The following SNAP47 variants were observed in gnomAD, a reference collection of about 807,000 sequenced individuals.
SNAP47 encodes the protein synaptosomal-associated protein 47.
SNAP47 carries 20 observed loss-of-function variants against 31.4 expected under a neutral mutation model. The observed-to-expected ratio is 0.64, with a 90% CI of 0.45 to 0.93. The LOEUF (loss-of-function observed/expected upper bound fraction) is 0.93, where lower values mean the gene tolerates loss of function less well. SNAP47 is among the 40% of genes least tolerant of loss of function. The pLI is 0.00. For missense variants in SNAP47, 492 were observed against 528.5 expected, an observed-to-expected ratio of 0.93 and a Z score of 0.68; for synonymous variants, 194 against 213.4, an observed-to-expected ratio of 0.91 and a Z score of 0.79.
intron 2 of SNAP47, among the ~76,000 whole-genome samples, chr1:227,749,821 G>T (rs1385379373): frequency 7.7e-6 from 1 of 130,304 alleles, no homozygotes; most frequent in African/African-American, 2.9e-5. Context: ...GTGTGTATTT[G>T]TGTGTGTCAT....
intron 1 of SNAP47, among the ~76,000 whole-genome samples, chr1:227,740,237 A>G (rs1661503431): frequency 6.6e-6 from 1 of 152,240 alleles, no homozygotes; most frequent in African/African-American, 2.4e-5. Flanking sequence ...TGCTGGGAGC[A>G]GAGGGCAGGG....
chr1:227,759,254 G>A lies in SNAP47; in HGVS notation c.757G>A (p.Glu253Lys). Residue 253 changes from glutamate to lysine, a missense_variant, in exon 3 of 5, where the codon GAA becomes AAA. Coordinates refer to ENST00000617596, the MANE Select transcript of SNAP47 (RefSeq NM_053052.4). Reference protein sequence around the residue: ...SSLLMHRFEREDVDDIKVHSP... With the variant: ...SSLLMHRFERKDVDDIKVHSP... ...TTTGCTCATGCACAGGTTTGAAAGA[G>A]AAGACGTGGACGACATCAAGGTCCA... The A allele has an allele frequency of 6.2e-7, 1 of 1,614,218 alleles. No individual in the cohort carries two copies. The highest frequency in any genetic ancestry group is 1.6e-4 in the Middle Eastern group (1 of 6,062).
intron 1 of SNAP47, among the ~76,000 whole-genome samples, chr1:227,739,967 G>C (rs1661483386): frequency 6.6e-6 from 1 of 152,250 alleles, no homozygotes; most frequent in African/African-American, 2.4e-5. Flanking sequence ...TGGTACAGGA[G>C]GGCATAGGCA....
At chr1:227,747,350 G>T (rs575233860) in intron 1 of SNAP47, among the ~76,000 whole-genome samples, 7 of 152,158 alleles carry the variant, frequency 4.6e-5, no homozygotes, top group African/African-American at 1.4e-4. Flanking sequence ...CTCAAGTCTC[G>T]TCCAGCAGTG....
At chr1:227,732,652 T>C (rs75149861), upstream of SNAP47, 19 of 1,613,244 alleles carry the variant, frequency 1.2e-5, no homozygotes, top group East Asian at 4.2e-4. Flanking sequence ...TCAAAGTTGA[T>C]GCCCGAGCAG....
intron 4 of SNAP47, among the ~76,000 whole-genome samples, chr1:227,769,890 C>T (rs10916205): frequency 0.4 from 60,904 of 152,104 alleles, 12,264 homozygotes; most frequent in Admixed American, 0.43. Context: ...GCTCATGCAG[C>T]CTCATCTGTC....
rs2102952371 is a variant in SNAP47 at position 227,759,188 on chromosome 1, A to C, written c.691A>C (p.Thr231Pro). 1 of 1,614,208 alleles carries C rather than the reference A, an allele frequency of 6.2e-7. No individual in the cohort carries two copies. Among genetic ancestry groups the C allele is most frequent in the East Asian group, 2.2e-5 (1 of 44,890 alleles). ...GTCTCACGTTAAACCAGGGAGGCTC[A>C]CCGTCCTTGTGTCTGGGTTGGAAAT... Reference protein sequence around the residue: ...TESHVKPGRLTVLVSGLEIHD... With the variant: ...TESHVKPGRLPVLVSGLEIHD... The change falls in exon 3 of 5, where the codon ACC becomes CCC. Residue 231 changes from threonine (T) to proline (P), a missense_variant. By Grantham distance (38) the Thr-to-Pro change is conservative. Coordinates refer to ENST00000617596, the MANE Select transcript of SNAP47 (RefSeq NM_053052.4).
At chr1:227,748,506 G>A (rs953226075) in intron 2 of SNAP47, among the ~76,000 whole-genome samples, 2 of 152,244 alleles carry the variant, frequency 1.3e-5, no homozygotes, top group African/African-American at 4.8e-5. Flanking sequence ...CACCACTGCC[G>A]TCCACTGCAC....
chr1:227,735,392 G>A, upstream of SNAP47: 1 of 1,582,780 alleles, frequency 6.3e-7, no homozygotes, highest in Non-Finnish European at 8.5e-7. Context: ...CAGCGCCTGG[G>A]GCTCCGGGCC....
intron 1 of SNAP47, chr1:227,745,903 G>A (rs1304126685): frequency 6.6e-6 from 1 of 152,266 alleles, no homozygotes; most frequent in African/African-American, 2.4e-5. Flanking sequence ...CTGGGCCAAA[G>A]CTGCCACGGA....
intron 1 of SNAP47, among the ~76,000 whole-genome samples, chr1:227,742,958 C>T (rs1026786025): frequency 4.6e-5 from 7 of 152,286 alleles, no homozygotes; most frequent in East Asian, 3.9e-4. Context: ...TGCCGACCCT[C>T]GCCATGGCCC....
Position 227,759,445 on chromosome 1 carries a change from C to T in SNAP47, c.948C>T (p.Thr316=). 1 of 1,614,192 alleles carries T rather than the reference C, an allele frequency of 6.2e-7. No homozygotes were observed. Among genetic ancestry groups the T allele is most frequent in the African/African-American group, 1.3e-5 (1 of 75,050 alleles). The change falls in exon 3 of 5, where the codon ACC becomes ACT. Residue 316 remains threonine, a synonymous_variant. Coordinates refer to ENST00000617596, the MANE Select transcript of SNAP47 (RefSeq NM_053052.4). ...EDALVLRSAR[T]SSPAEKSCSV... ...CATTGGTGCTCAGAAGCGCAAGAAC[C>T]TCTTCCCCCGCAGAGAAGAGCTGCT...
upstream of SNAP47, chr1:227,735,354 G>GA (rs376676482): frequency 2.5e-4 from 392 of 1,594,414 alleles, no homozygotes; most frequent in Middle Eastern, 4.5e-3. Context: ...GGAACCAGAA[G>GA]ACGCAGGGCG....
In SNAP47 at chr1:227,763,382, C is replaced by T. The variant is rs912581506; in HGVS notation, c.989-3577C>T. On this transcript the variant is annotated intron_variant, in intron 3 of 4. Transcript: ENST00000617596. This position sits in a 1 kb window ranked among gnomAD's most constrained non-coding sequence, Gnocchi z 4.2. ...AGCCTTGCCTGTACCTCTGCTTCCC[C>T]GGGCCGTGTGTCTGTCTGCACAGCA... Among the ~76,000 whole-genome samples the T allele has an allele frequency of 2.0e-5, 3 of 152,218 alleles. No homozygotes were observed. Among genetic ancestry groups the T allele is most frequent in the East Asian group, 1.9e-4 (1 of 5,200 alleles).
chr1:227,756,405 T>C (rs1332709108), intron 2 of SNAP47, among the ~76,000 whole-genome samples: 3 of 152,270 alleles, frequency 2.0e-5, no homozygotes, highest in African/African-American at 7.2e-5. Context: ...ATGATTTTTC[T>C]TCTTTCTTTG....
chr1:227,778,149 T>C (rs1371189029), intron 4 of SNAP47, among the ~76,000 whole-genome samples: 1 of 152,256 alleles, frequency 6.6e-6, no homozygotes, highest in Non-Finnish European at 1.5e-5. Context: ...CTTGTGTCAC[T>C]GATGGTGCCA....
upstream of SNAP47, chr1:227,730,748 G>A (rs1414099649): frequency 6.6e-6 from 1 of 152,288 alleles, no homozygotes; most frequent in East Asian, 1.9e-4. Flanking sequence ...GATGGTAATG[G>A]GCTGCGACCT....
chr1:227,744,935 A>C (rs1303147809), intron 1 of SNAP47, among the ~76,000 whole-genome samples: 1 of 152,146 alleles, frequency 6.6e-6, no homozygotes, highest in Non-Finnish European at 1.5e-5. Flanking sequence ...GGGCTCGCTC[A>C]CTTGCCTGAG....
At chr1:227,731,397 G>A (rs906558060), upstream of SNAP47, 1 of 152,254 alleles carries the variant, frequency 6.6e-6, no homozygotes, top group African/African-American at 2.4e-5. Flanking sequence ...CGTCCCTGTG[G>A]ATTCGGATGC....
Sources: allele counts gnomAD v4.1 joint callset (sites outside exome capture counted in the v4.1 genomes callset), GRCh38; gene constraint gnomAD v4.1.1; non-coding constraint Gnocchi (gnomAD v3.1); transcripts MANE v1.5; gene names NCBI Gene and HGNC (gene_info 2026-07-23, HGNC 2026-07-21).